The following MACROD2 variants were observed in gnomAD, a reference collection of about 807,000 sequenced individuals.
MACROD2 encodes ADP-ribose glycohydrolase MACROD2.
A neutral mutation model predicts 70.4 loss-of-function variants in MACROD2; 36 were observed. That is an observed-to-expected ratio of 0.51 (90% confidence interval 0.39 to 0.68). The LOEUF (loss-of-function observed/expected upper bound fraction) is 0.68, where lower values mean the gene tolerates loss of function less well. Ranked by LOEUF, MACROD2 falls within the 30% of genes least tolerant of loss-of-function variation. The pLI, the probability that MACROD2 is intolerant of heterozygous loss-of-function variation, is 0.00. For missense variants in MACROD2, 496 were observed against 538.4 expected (o/e 0.92, Z 0.78); for synonymous variants, 172 against 178.8 (o/e 0.96, Z 0.30).
intron 8 of MACROD2, among the ~76,000 whole-genome samples, chr20:15,519,060 T>TTCC (rs1342653108): frequency 2.9e-5 from 1 of 34,832 alleles, no homozygotes; most frequent in Non-Finnish European, 4.9e-5. Context: ...CGCTCTTTCC[T>TTCC]TCCTTCCTTC....
intron 8 of MACROD2, among the ~76,000 whole-genome samples, chr20:15,815,309 C>G (rs1334851443): frequency 6.6e-6 from 1 of 152,112 alleles, no homozygotes; most frequent in East Asian, 1.9e-4. Flanking sequence ...TGCCTTAAAG[C>G]TTAAAGGATA....
At chr20:15,542,655 A>T (rs1319535143) in intron 8 of MACROD2, among the ~76,000 whole-genome samples, 1 of 152,194 alleles carries the variant, frequency 6.6e-6, no homozygotes, top group Non-Finnish European at 1.5e-5. Context: ...CTGATCTTTG[A>T]CTTCTCTGAA....
intron 8 of MACROD2, among the ~76,000 whole-genome samples, chr20:15,797,497 A>G (rs566967093): frequency 9.2e-5 from 14 of 151,658 alleles, no homozygotes; most frequent in African/African-American, 3.4e-4. Flanking sequence ...TCACAAGCCA[A>G]AAAGAGCTCA....
intron 5 of MACROD2, among the ~76,000 whole-genome samples, chr20:14,767,488 C>T (rs935662089): frequency 6.6e-6 from 1 of 151,796 alleles, no homozygotes; most frequent in Non-Finnish European, 1.5e-5. Flanking sequence ...TGTCAGTTTG[C>T]CTGAAGACAA....
chr20:15,363,907 C>T (rs1347895204), intron 6 of MACROD2, among the ~76,000 whole-genome samples: 1 of 152,126 alleles, frequency 6.6e-6, no homozygotes, highest in African/African-American at 2.4e-5. Flanking sequence ...CAAGGAATAG[C>T]AGTTAGCACA....
At chr20:14,020,987 CTTTTTTTTT>C (rs1163077387) in intron 2 of MACROD2, among the ~76,000 whole-genome samples, 1 of 111,550 alleles carries the variant, frequency 9.0e-6, no homozygotes. Flanking sequence ...TTTGAATATT[CTTTTTTTTT>C]TTTTTTTTTT....
intron 5 of MACROD2, among the ~76,000 whole-genome samples, chr20:15,054,943 T>C (rs1188150564): frequency 7.5e-6 from 1 of 134,052 alleles, no homozygotes; most frequent in Admixed American, 8.0e-5. Context: ...CCGCCACATC[T>C]AGCTTTTTTT....
At chr20:15,996,663 C>T (rs966619118) in intron 15 of MACROD2, among the ~76,000 whole-genome samples, 3 of 151,912 alleles carry the variant, frequency 2.0e-5, no homozygotes, top group African/African-American at 7.3e-5. Context: ...TGCCTTTTCA[C>T]CTTGTTGATT....
chr20:15,974,217 A>G (rs1310111812), intron 13 of MACROD2, among the ~76,000 whole-genome samples: 1 of 152,174 alleles, frequency 6.6e-6, no homozygotes, highest in African/African-American at 2.4e-5. Context: ...ATTTGGGAAA[A>G]TAAACTGAAT....
intron 3 of MACROD2, among the ~76,000 whole-genome samples, chr20:14,381,263 C>A (rs2083418329): frequency 1.3e-5 from 2 of 152,114 alleles, no homozygotes; most frequent in Admixed American, 1.3e-4. Flanking sequence ...TGAGACCTTA[C>A]AATGGATATT....
intron 4 of MACROD2, among the ~76,000 whole-genome samples, chr20:14,682,913 C>T (rs533880513): frequency 6.6e-6 from 1 of 152,090 alleles, no homozygotes; most frequent in African/African-American, 2.4e-5. Flanking sequence ...GAGTTTCACT[C>T]TTGTTGCCCA....
Position 14,780,365 on chromosome 20 carries a change from G to A in MACROD2, c.418+95406G>A, listed in dbSNP as rs537388700. Among the ~76,000 whole-genome samples, 20 of 152,058 alleles carry A rather than the reference G, an allele frequency of 1.3e-4. No homozygotes were observed. The East Asian group carries it at 3.9e-3, about 29-fold the overall frequency. ...ATCACCTGAGGTCAGGGGTTCGAGA[G>A]CAGCCTGACCAACATGGAAAAACGC... On this transcript the variant is annotated intron_variant, in intron 5 of 17. Transcript: ENST00000684519.
At chr20:15,369,648 T>C (rs2045463244) in intron 6 of MACROD2, among the ~76,000 whole-genome samples, 2 of 152,118 alleles carry the variant, frequency 1.3e-5, no homozygotes, top group African/African-American at 4.8e-5. Flanking sequence ...ATGGTATCTA[T>C]AAATAGAAGT....
chr20:15,604,155 G>T (rs2146694436), intron 8 of MACROD2, among the ~76,000 whole-genome samples: 1 of 152,206 alleles, frequency 6.6e-6, no homozygotes, highest in Non-Finnish European at 1.5e-5. Context: ...TTCTATTAAG[G>T]CATGAGTATA....
At chr20:14,755,705 A>G (rs1267287216) in intron 5 of MACROD2, among the ~76,000 whole-genome samples, 4 of 152,036 alleles carry the variant, frequency 2.6e-5, no homozygotes, top group Non-Finnish European at 5.9e-5. Flanking sequence ...TGAAGTGTTT[A>G]TTATATTACC....
chr20:14,217,154 G>A (rs2081630076), intron 3 of MACROD2, among the ~76,000 whole-genome samples: 1 of 152,008 alleles, frequency 6.6e-6, no homozygotes, highest in Non-Finnish European at 1.5e-5. Context: ...TGTCATAGAT[G>A]GCTTTTATTG....
At chr20:15,767,228 A>G (rs2051542985) in intron 8 of MACROD2, among the ~76,000 whole-genome samples, 1 of 152,258 alleles carries the variant, frequency 6.6e-6, no homozygotes, top group Non-Finnish European at 1.5e-5. Flanking sequence ...AAAAACTTGT[A>G]TAGATCATCT....
chr20:15,751,882 T>C (rs1170559718), intron 8 of MACROD2, among the ~76,000 whole-genome samples: 1 of 151,338 alleles, frequency 6.6e-6, no homozygotes, highest in Non-Finnish European at 1.5e-5. Context: ...TCAGAGGTTT[T>C]TTTTTTCAGT....
intron 3 of MACROD2, among the ~76,000 whole-genome samples, chr20:14,143,788 G>C (rs969045902): frequency 6.6e-6 from 1 of 152,058 alleles, no homozygotes; most frequent in Non-Finnish European, 1.5e-5. Context: ...TTGTAATTTT[G>C]CTGGAAAAGT....
Sources: allele counts gnomAD v4.1 joint callset (sites outside exome capture counted in the v4.1 genomes callset), GRCh38; gene constraint gnomAD v4.1.1; transcripts MANE v1.5; gene names NCBI Gene and HGNC (gene_info 2026-07-23, HGNC 2026-07-21).